The following CLCN4 variants were observed in gnomAD, a reference collection of about 807,000 sequenced individuals.
CLCN4 encodes the protein Cl-/H+ antiporter 4.
A neutral mutation model predicts 41.7 loss-of-function variants in CLCN4; 1 was observed. The observed-to-expected ratio is 0.02, with a 90% CI of 0.01 to 0.11. The LOEUF (loss-of-function observed/expected upper bound fraction) is 0.11. Among genes scored for constraint, CLCN4 ranks in the 10% least tolerant of loss-of-function variants. The pLI is 1.00. For synonymous variants in CLCN4, 277 were observed against 285.8 expected (o/e 0.97, Z 0.31); for missense variants, 287 against 661.0 (o/e 0.43, Z 6.20).
chrX:10,185,226 C>T lies in CLCN4; in HGVS notation c.144+50C>T, dbSNP rs932502332. 2.6e-6 allele frequency: 3 copies of T among 1,149,913 alleles called. No individual in the cohort carries two copies. In the Admixed American group the frequency reaches 7.3e-5, roughly 28 times the overall value. The allele number at this position is 1,149,913 out of a possible 1,213,427, so 94.8% of individuals were successfully genotyped here. A position where few individuals can be genotyped will look rare whatever the true frequency, so the allele number is the denominator to read the frequency against. On this transcript the variant is annotated intron_variant, in intron 3 of 12. Coordinates refer to ENST00000380833, the MANE Select transcript of CLCN4 (RefSeq NM_001830.4). The stretch of plus-strand genomic sequence containing the variant: ...ACTGCAAATGGCTAAGCCATGTTTT[C>T]ATTCAAAAGTTACTGAGCTGGGGCT...
intron 4 of CLCN4, among the ~76,000 whole-genome samples, chrX:10,192,318 G>C (rs1009188820): frequency 9.0e-6 from 1 of 111,441 alleles, no homozygotes; most frequent in African/African-American, 3.3e-5. Flanking sequence ...GGATGCGAGA[G>C]GTGTGGTGAT....
intron 12 of CLCN4, among the ~76,000 whole-genome samples, chrX:10,227,011 A>C (rs189937911): frequency 9.0e-6 from 1 of 110,870 alleles, no homozygotes; most frequent in Non-Finnish European, 1.9e-5. Flanking sequence ...TATTCCAAAC[A>C]ATTGAAAAGG....
chrX:10,207,574 GTTC>G (rs1194970268), intron 8 of CLCN4, among the ~76,000 whole-genome samples: 2 of 112,220 alleles, frequency 1.8e-5, no homozygotes, highest in Admixed American at 9.4e-5. Context: ...ACAAAATATT[GTTC>G]TTCTTTTGAA....
chrX:10,212,434 C>G (rs755374322), intron 9 of CLCN4, 33 bp from the exon 10 acceptor site: 14 of 1,188,271 alleles, frequency 1.2e-5, no homozygotes, highest in Middle Eastern at 2.4e-4. Context: ...TGGTCTTTTT[C>G]CCTCATGTTG....
chrX:10,236,139 T>C lies in CLCN4; in HGVS notation c.*2555T>C, dbSNP rs1400714243. On this transcript the variant is annotated 3_prime_UTR_variant, in exon 13 of 13. Coordinates refer to ENST00000380833, the MANE Select transcript of CLCN4 (RefSeq NM_001830.4). Reference sequence around the variant, plus strand: ...AAACAAGTGGCTTCAAAAGGGAACATGAAACAGTGAAAAGATAGCCAAAGG... The same window carrying C: ...AAACAAGTGGCTTCAAAAGGGAACACGAAACAGTGAAAAGATAGCCAAAGG... The C allele has an allele frequency of 2.7e-5, 3 of 111,768 alleles. No individual in the cohort carries two copies. The East Asian group carries it at 8.5e-4, about 32-fold the overall frequency. The allele number at this position is 111,768 out of a possible 1,213,427, so 9.2% of individuals were successfully genotyped here. A position where few individuals can be genotyped will look rare whatever the true frequency, so the allele number is the denominator to read the frequency against.
At position 10,213,751 on chromosome X, in the gene CLCN4, C is replaced by A. The variant is rs139942006; in HGVS notation, c.1647C>A (p.Ile549=). 1.7e-5 allele frequency: 20 copies of A among 1,209,859 alleles called. No homozygotes were observed. The African/African-American group carries it at 3.0e-4, about 18-fold the overall frequency. Reference sequence around the variant, plus strand: ...AATTAACCGGGGGTCTGGAGTACATCGTGCCCCTGATGGCGGCGGCTGTGA... The same window carrying A: ...AATTAACCGGGGGTCTGGAGTACATAGTGCCCCTGATGGCGGCGGCTGTGA... ...MFELTGGLEY[I]VPLMAAAVTS... Residue 549 remains isoleucine (I), a synonymous_variant, in exon 11 of 13, where the codon ATC becomes ATA. Coordinates refer to ENST00000380833, the MANE Select transcript of CLCN4 (RefSeq NM_001830.4).
chrX:10,213,496 A>G (rs748678011), intron 10 of CLCN4, among the ~76,000 whole-genome samples, 185 bp from the exon 11 acceptor site: 23 of 112,060 alleles, frequency 2.1e-4, no homozygotes, highest in African/African-American at 6.8e-4. Flanking sequence ...AGGCTCCCCA[A>G]CGCAAAGCCA....
intron 3 of CLCN4, among the ~76,000 whole-genome samples, chrX:10,187,071 C>T (rs1923832320): frequency 8.9e-6 from 1 of 111,785 alleles, no homozygotes; most frequent in South Asian, 3.7e-4. Context: ...ATTCTAAGTT[C>T]GTGCTGCTAA....
Position 10,237,484 on chromosome X carries a change from T to A in CLCN4, c.*3900T>A, listed in dbSNP as rs1347758611. ...ATCCTAGAGGTGCTGGGAATGAGCC[T>A]ACGTGCGACTTTGATGAGATATATT... On this transcript the variant is annotated 3_prime_UTR_variant, in exon 13 of 13. Coordinates refer to ENST00000380833, the MANE Select transcript of CLCN4 (RefSeq NM_001830.4). 8.9e-6 allele frequency: 1 copy of A among 111,786 alleles called. No homozygotes were observed. The highest frequency in any genetic ancestry group is 1.9e-5 in the Non-Finnish European group (1 of 53,230). The allele number at this position is 111,786 out of a possible 1,213,427, so 9.2% of individuals were successfully genotyped here. A position where few individuals can be genotyped will look rare whatever the true frequency, so the allele number is the denominator to read the frequency against.
chrX:10,220,541 T>C (rs1252846734), intron 11 of CLCN4, 120 bp from the exon 12 acceptor site: 5 of 543,927 alleles, frequency 9.2e-6, no homozygotes, highest in East Asian at 7.0e-5. Flanking sequence ...TAAGAATGTG[T>C]GGTTCATCCT....
intron 4 of CLCN4, among the ~76,000 whole-genome samples, chrX:10,189,898 A>G (rs1003715659): frequency 1.8e-5 from 2 of 112,350 alleles, no homozygotes; most frequent in Non-Finnish European, 1.9e-5. Context: ...TTGTGAATGA[A>G]TGAATAATGA....
In CLCN4 at chrX:10,236,402, C is replaced by T. The variant is rs565832744; in HGVS notation, c.*2818C>T. ...CCTCTGATTTATTGTGGGGTTCAGG[C>T]TCTCCTCAATAGAAGGCCAGAGTTG... On this transcript the variant is annotated 3_prime_UTR_variant, in exon 13 of 13. Transcript: ENST00000380833. 8 of 112,017 alleles carry T rather than the reference C, an allele frequency of 7.1e-5. No individual in the cohort carries two copies. Among genetic ancestry groups the T allele is most frequent in the South Asian group, 7.4e-4 (2 of 2,690 alleles). 9.2% of individuals were successfully genotyped at this position (112,017 alleles called of 1,213,427 possible). A position where few individuals can be genotyped will look rare whatever the true frequency, so the allele number is the denominator to read the frequency against.
intron 12 of CLCN4, among the ~76,000 whole-genome samples, chrX:10,230,087 C>T (rs1013633837): frequency 2.7e-5 from 3 of 111,133 alleles, no homozygotes; most frequent in African/African-American, 9.9e-5. Flanking sequence ...ATATTTTGCC[C>T]GTTTTTTTGA....
chrX:10,194,969 G>A lies in CLCN4; in HGVS notation c.303G>A (p.Gly101=). ...ACTGGATGACGGACCTGAAGGAGGG[G>A]GTCTGCCTGTCTGCCTTCTGGTATA... The part of the protein sequence containing the change: ...AVDWMTDLKE[G]VCLSAFWYSH... The change falls in exon 5 of 13, where the codon GGG becomes GGA. Residue 101 remains glycine (G), a synonymous_variant. Transcript: ENST00000380833. 8.3e-7 allele frequency: 1 copy of A among 1,211,387 alleles called. No homozygotes were observed. Among genetic ancestry groups the A allele is most frequent in the South Asian group, 1.8e-5 (1 of 56,999 alleles).
chrX:10,179,710 G>A (rs777579130), intron 2 of CLCN4, among the ~76,000 whole-genome samples: 13 of 111,776 alleles, frequency 1.2e-4, no homozygotes, highest in East Asian at 8.4e-4. Flanking sequence ...AGGAAGGGGT[G>A]TTTTCATGAA....
rs180791141 is a variant in CLCN4, at chrX:10,236,206, A to G, written c.*2622A>G. 1.8e-5 allele frequency: 2 copies of G among 111,838 alleles called. No homozygotes were observed. Among genetic ancestry groups the G allele is most frequent in the African/African-American group, 6.5e-5 (2 of 30,758 alleles). 9.2% of individuals were successfully genotyped at this position (111,838 alleles called of 1,213,427 possible). A position where few individuals can be genotyped will look rare whatever the true frequency, so the allele number is the denominator to read the frequency against. On this transcript the variant is annotated 3_prime_UTR_variant, in exon 13 of 13. Transcript: ENST00000380833. ...ATTTCTTTCTAATCTGGCTGAGGCC[A>G]TGGGGGGGAATGAGGGGAAATTATG...
At chrX:10,185,564 T>A (rs1644034721) in intron 3 of CLCN4, among the ~76,000 whole-genome samples, 1 of 112,315 alleles carries the variant, frequency 8.9e-6, no homozygotes, top group South Asian at 3.7e-4. Flanking sequence ...ACCACAATGG[T>A]TATCTGTCAA....
intron 2 of CLCN4, among the ~76,000 whole-genome samples, chrX:10,174,436 G>A (rs1400031806): frequency 8.9e-6 from 1 of 112,572 alleles, no homozygotes; most frequent in East Asian, 2.8e-4. Flanking sequence ...CAAGTCCTCC[G>A]CTGACCCTTC....
chrX:10,226,772 T>C (rs774220051), intron 12 of CLCN4, among the ~76,000 whole-genome samples: 1 of 111,363 alleles, frequency 9.0e-6, no homozygotes, highest in East Asian at 2.8e-4. Flanking sequence ...CTGTATCACC[T>C]CTATGTAAAT....
Sources: allele counts gnomAD v4.1 joint callset (sites outside exome capture counted in the v4.1 genomes callset), GRCh38; gene constraint gnomAD v4.1.1; transcripts MANE v1.5; gene names NCBI Gene and HGNC (gene_info 2026-07-23, HGNC 2026-07-21).